PRKAG2: variants seen among roughly 807,000 people sequenced by gnomAD.
PRKAG2 encodes protein kinase AMP-activated non-catalytic subunit gamma 2.
In PRKAG2, 26 loss-of-function variants were observed where a neutral mutation model predicts 69.6. That is an observed-to-expected ratio of 0.37 (90% confidence interval 0.27 to 0.52). The LOEUF (loss-of-function observed/expected upper bound fraction) is 0.52. Ranked by LOEUF, PRKAG2 falls within the 20% of genes least tolerant of loss-of-function variation. The pLI, the probability that PRKAG2 is intolerant of heterozygous loss-of-function variation, is 0.90. For synonymous variants in PRKAG2, 293 were observed against 285.0 expected, an observed-to-expected ratio of 1.03 and a Z score of -0.28; for missense variants, 557 against 740.0, an observed-to-expected ratio of 0.75 and a Z score of 2.87.
At chr7:151,769,332 C>A (rs3934596) in intron 3 of PRKAG2, among the ~76,000 whole-genome samples, 96,037 of 152,036 alleles carry the variant, frequency 0.63, 30,809 homozygotes, top group East Asian at 0.9. Flanking sequence ...CCTTATTTGG[C>A]AACAGAGTCA....
At chr7:151,711,191 AGG>A (rs901317405) in intron 3 of PRKAG2, among the ~76,000 whole-genome samples, 1 of 152,078 alleles carries the variant, frequency 6.6e-6, no homozygotes, top group South Asian at 2.1e-4. Context: ...TAGAGAACTG[AGG>A]GTGCTAGGCT....
chr7:151,670,112 A>G (rs1831763079), intron 4 of PRKAG2, among the ~76,000 whole-genome samples: 2 of 137,730 alleles, frequency 1.5e-5, no homozygotes, highest in African/African-American at 5.5e-5. Flanking sequence ...ATACACCTGC[A>G]TGCACACACA....
At chr7:151,773,170 G>GTAAGC in intron 3 of PRKAG2, among the ~76,000 whole-genome samples, 1 of 117,178 alleles carries the variant, frequency 8.5e-6, no homozygotes, top group African/African-American at 5.9e-5. Context: ...GGGAAGCAAG[G>GTAAGC]AAGGAAGGAA....
rs367912529 is a variant in PRKAG2 at position 151,685,546 on chromosome 7, G to A, written c.467-9909C>T. Among the ~76,000 whole-genome samples the A allele has an allele frequency of 5.4e-4, 82 of 152,222 alleles. 1 individual carries two copies. Among genetic ancestry groups the A allele is most frequent in the African/African-American group, 1.9e-3 (80 of 41,526 alleles). ...GCACTTTGGGAGGCCGAGAAGGGAGGGGCTGGGAGCTCAGGAGTTCAAGAT... is the reference window on the plus strand; with the variant it reads ...GCACTTTGGGAGGCCGAGAAGGGAGAGGCTGGGAGCTCAGGAGTTCAAGAT... On this transcript the variant is annotated intron_variant, in intron 3 of 15. Transcript: ENST00000287878.
intron 6 of PRKAG2, among the ~76,000 whole-genome samples, chr7:151,587,276 A>G (rs66711554): frequency 0.18 from 27,262 of 152,144 alleles, 2,848 homozygotes; most frequent in African/African-American, 0.29. Flanking sequence ...TAACCCAAAA[A>G]TAAATATCCA....
chr7:151,795,718 G>A (rs2077469251), intron 1 of PRKAG2, among the ~76,000 whole-genome samples: 1 of 151,868 alleles, frequency 6.6e-6, no homozygotes, highest in Non-Finnish European at 1.5e-5. Flanking sequence ...AAAACAGAGG[G>A]TTCTGGAAGG....
At chr7:151,690,317 G>A (rs1200607024) in intron 3 of PRKAG2, among the ~76,000 whole-genome samples, 1 of 152,178 alleles carries the variant, frequency 6.6e-6, no homozygotes, top group African/African-American at 2.4e-5. Context: ...TTCGCGGGGA[G>A]GGAGAACTCA....
In PRKAG2 at chr7:151,574,906, G is replaced by A. The variant is rs200919184; in HGVS notation, c.990C>T (p.Tyr330=). 1 of 1,613,606 alleles carries A rather than the reference G, an allele frequency of 6.2e-7. No homozygotes were observed. The highest frequency in any genetic ancestry group is 8.5e-7 in the Non-Finnish European group (1 of 1,179,766). Residue 330 remains tyrosine (Y), a synonymous_variant, in exon 8 of 16, where the codon TAC becomes TAT. Transcript: ENST00000287878. ...TGCCACTTACCATAGGTGATTTATA[G>A]TATCTATGTAGTATATTTATGAAAT... ...ITDFINILHR[Y]YKSPMVQIYE...
chr7:151,768,861 G>A (rs1057177773), intron 3 of PRKAG2, among the ~76,000 whole-genome samples: 4 of 152,230 alleles, frequency 2.6e-5, no homozygotes, highest in Admixed American at 6.5e-5. Context: ...AAGAAACAGC[G>A]ACTCTGTAGC....
chr7:151,842,803 G>A lies in PRKAG2; in HGVS notation c.114+33704C>T, dbSNP rs1447151275. ...TAGTAAGTAGCGGTGGTAGCATGGGGATGCTGCCGTGAAGCAGAGGAGGCT... is the reference window on the plus strand; with the variant it reads ...TAGTAAGTAGCGGTGGTAGCATGGGAATGCTGCCGTGAAGCAGAGGAGGCT... On this transcript the variant is annotated intron_variant, in intron 1 of 15. Coordinates refer to ENST00000287878, the MANE Select transcript of PRKAG2 (RefSeq NM_016203.4). Among the ~76,000 whole-genome samples the A allele has an allele frequency of 3.3e-5, 5 of 151,800 alleles. No homozygotes were observed. The East Asian group carries it at 9.6e-4, about 29-fold the overall frequency.
In PRKAG2 at chr7:151,820,495, TC is replaced by T. The variant is rs2078742739; in HGVS notation, c.115-33955del. Among the ~76,000 whole-genome samples the T allele has an allele frequency of 3.0e-5, 3 of 100,348 alleles. No individual in the cohort carries two copies. In the East Asian group the frequency reaches 1.4e-3, roughly 45 times the overall value. The allele number at this position is 100,348 out of a possible 152,430, so 65.8% of individuals were successfully genotyped here. ...GGGCACACTCTACTCGGAACACCGC[TC>T]CGTGGCCTGGCCCCTGTGGCTTCTG... On this transcript the variant is annotated intron_variant, in intron 1 of 15. Coordinates refer to ENST00000287878, the MANE Select transcript of PRKAG2 (RefSeq NM_016203.4).
At chr7:151,870,878 C>T (rs1421862350) in intron 1 of PRKAG2, among the ~76,000 whole-genome samples, 1 of 152,262 alleles carries the variant, frequency 6.6e-6, no homozygotes, top group Admixed American at 6.5e-5. Context: ...CTGCCCAGCT[C>T]CCTGGCTCTA....
chr7:151,681,732 A>G (rs1833915626), intron 3 of PRKAG2, among the ~76,000 whole-genome samples: 1 of 152,158 alleles, frequency 6.6e-6, no homozygotes, highest in African/African-American at 2.4e-5. Context: ...GGCAGGGACC[A>G]CACCTCAGCT....
chr7:151,736,208 C>A, intron 3 of PRKAG2: 1 of 1,401,016 alleles, frequency 7.1e-7, no homozygotes, highest in Non-Finnish European at 9.3e-7. Flanking sequence ...GCCCCAGAGT[C>A]TGTGAGGCGC....
At chr7:151,580,355 T>A (rs1183148124) in intron 6 of PRKAG2, among the ~76,000 whole-genome samples, 1 of 151,652 alleles carries the variant, frequency 6.6e-6, no homozygotes, top group African/African-American at 2.4e-5. Context: ...TCAAAAAAAA[T>A]AAAAAATACT....
intron 1 of PRKAG2, among the ~76,000 whole-genome samples, chr7:151,847,994 G>A (rs1014529451): frequency 1.3e-5 from 2 of 152,220 alleles, no homozygotes; most frequent in Non-Finnish European, 2.9e-5. Flanking sequence ...CTTTTCTAAA[G>A]AGTCAGTTGC....
intron 3 of PRKAG2, among the ~76,000 whole-genome samples, chr7:151,740,632 T>C (rs1425853012): frequency 6.6e-6 from 1 of 152,178 alleles, no homozygotes; most frequent in African/African-American, 2.4e-5. Flanking sequence ...CTCAGTGACT[T>C]TGCAAATGAG....
intron 3 of PRKAG2, among the ~76,000 whole-genome samples, chr7:151,688,165 G>A (rs2727549): frequency 0.47 from 71,450 of 151,816 alleles, 17,119 homozygotes; most frequent in Middle Eastern, 0.52. Flanking sequence ...GCTGATGCCA[G>A]GGTGCCCAGT....
At chr7:151,642,028 TAA>T (rs759629976) in intron 4 of PRKAG2, among the ~76,000 whole-genome samples, 38 of 95,000 alleles carry the variant, frequency 4.0e-4, no homozygotes, top group Middle Eastern at 7.4e-3. Flanking sequence ...ACCCCATCTT[TAA>T]AAAAAAAAAA....
Sources: gnomAD v4.1 joint callset for allele counts (sites outside exome capture counted in the v4.1 genomes callset) on GRCh38, gnomAD v4.1.1 for gene constraint, MANE v1.5 for transcripts, NCBI Gene and HGNC (gene_info 2026-07-23, HGNC 2026-07-21) for gene names.